Variants in AOPEP observed in about 807,000 individuals in gnomAD.
AOPEP encodes aminopeptidase O.
Under a neutral mutation model 98.1 loss-of-function variants are expected in AOPEP, and 77 were observed. That is an observed-to-expected ratio of 0.78 (90% CI 0.65 to 0.95). AOPEP has a LOEUF of 0.95. AOPEP is among the 40% of genes least tolerant of loss of function. The pLI, the probability that AOPEP is intolerant of heterozygous loss-of-function variation, is 0.00. For missense variants in AOPEP, 1,024 were observed against 1,024.7 expected (o/e 1.00, Z 0.01); for synonymous variants, 346 against 365.3 (o/e 0.95, Z 0.60).
downstream of AOPEP, among the ~76,000 whole-genome samples, chr9:95,091,461 A>G (rs2070865726): frequency 1.3e-5 from 2 of 152,298 alleles, no homozygotes; most frequent in Admixed American, 1.3e-4. Flanking sequence ...GGGCTGAGCC[A>G]CTGCAGGCTC....
At chr9:94,870,704 A>G (rs2046245945) in intron 5 of AOPEP, among the ~76,000 whole-genome samples, 1 of 152,230 alleles carries the variant, frequency 6.6e-6, no homozygotes, top group Non-Finnish European at 1.5e-5. Context: ...ACGCTGTGAC[A>G]TTTGCGGATA....
At chr9:94,784,514 CTA>C (rs1430083344) in intron 3 of AOPEP, among the ~76,000 whole-genome samples, 1 of 152,148 alleles carries the variant, frequency 6.6e-6, no homozygotes, top group Non-Finnish European at 1.5e-5. Context: ...ATCTTCAAAA[CTA>C]TTCACAGGAC....
At chr9:94,781,547 GTTT>G (rs10712686) in intron 3 of AOPEP, among the ~76,000 whole-genome samples, 11 of 142,798 alleles carry the variant, frequency 7.7e-5, no homozygotes, top group African/African-American at 2.5e-4. Flanking sequence ...TTTTTGTTTA[GTTT>G]TTTTTTTTTT....
At chr9:95,093,887 GCA>G in the AOPEP span, among the ~76,000 whole-genome samples, 12 of 152,324 alleles carry the variant, frequency 7.9e-5, no homozygotes, top group Non-Finnish European at 1.8e-4. Context: ...GTAGCCTTGG[GCA>G]CATTATTCGG....
intron 1 of AOPEP, among the ~76,000 whole-genome samples, chr9:94,733,320 C>T (rs1048167823): frequency 1.3e-5 from 2 of 152,062 alleles, no homozygotes; most frequent in African/African-American, 4.8e-5. Flanking sequence ...GTTGCTCAGG[C>T]TGATCTTGAA....
At chr9:94,825,942 G>A (rs1039533392) in intron 5 of AOPEP, among the ~76,000 whole-genome samples, 1 of 151,992 alleles carries the variant, frequency 6.6e-6, no homozygotes, top group Non-Finnish European at 1.5e-5. Context: ...CTGTTTAGCT[G>A]TTTATAACTG....
At chr9:94,810,025 A>G (rs1256903493) in intron 5 of AOPEP, 1 of 155,972 alleles carries the variant, frequency 6.4e-6, no homozygotes, top group Non-Finnish European at 1.5e-5. Flanking sequence ...TATCACCCAG[A>G]CAGCTTGCAC....
intron 10 of AOPEP, among the ~76,000 whole-genome samples, chr9:94,974,372 C>T (rs1376212070): frequency 1.3e-5 from 2 of 152,168 alleles, no homozygotes; most frequent in Non-Finnish European, 2.9e-5. Flanking sequence ...GGTCAGAGTC[C>T]TCCTATGCTC....
At chr9:94,823,575 G>A (rs1177890309) in intron 5 of AOPEP, among the ~76,000 whole-genome samples, 3 of 152,126 alleles carry the variant, frequency 2.0e-5, no homozygotes, top group Non-Finnish European at 4.4e-5. Context: ...GCCTCCTGGG[G>A]GCTTTTAGGT....
chr9:95,048,426 C>T (rs2066028738), intron 13 of AOPEP, among the ~76,000 whole-genome samples: 1 of 151,912 alleles, frequency 6.6e-6, no homozygotes, highest in Admixed American at 6.6e-5. Context: ...TGGGAGCGGC[C>T]CATCCGGGGC....
At chr9:95,138,835 A>G in the AOPEP span, among the ~76,000 whole-genome samples, 503 of 152,212 alleles carry the variant, frequency 3.3e-3, 9 homozygotes, top group East Asian at 0.043. Flanking sequence ...CACGAGTCAC[A>G]CTCCAGTCAG....
At chr9:94,931,897 C>T in intron 7 of AOPEP, 1 of 1,219,222 alleles carries the variant, frequency 8.2e-7, no homozygotes, top group Non-Finnish European at 1.1e-6. Flanking sequence ...CCTCACCTCT[C>T]TTGCTGGCAG....
chr9:95,078,444 A>G (rs980575229), intron 14 of AOPEP, among the ~76,000 whole-genome samples: 1 of 152,262 alleles, frequency 6.6e-6, no homozygotes, highest in African/African-American at 2.4e-5. Flanking sequence ...AGTCATTGCC[A>G]AAAGTGTGGT....
intron 11 of AOPEP, among the ~76,000 whole-genome samples, chr9:94,982,584 TTG>T (rs1322839891): frequency 0.034 from 5,052 of 149,230 alleles, 187 homozygotes; most frequent in East Asian, 0.095. Context: ...TTTTTTTTTT[TTG>T]GAGACAGGGT....
At chr9:94,903,623 T>TG (rs1554763961) in intron 5 of AOPEP, among the ~76,000 whole-genome samples, 1 of 136,684 alleles carries the variant, frequency 7.3e-6, no homozygotes, top group Non-Finnish European at 1.6e-5. Flanking sequence ...ACTCCATCTC[T>TG]AAAAAAAAAA....
the AOPEP span, among the ~76,000 whole-genome samples, chr9:95,113,255 G>C: frequency 6.6e-6 from 1 of 152,232 alleles, no homozygotes; most frequent in Admixed American, 6.5e-5. Context: ...CAATCACGGA[G>C]CTGGACATAG....
intron 5 of AOPEP, among the ~76,000 whole-genome samples, chr9:94,850,440 A>G (rs1401532146): frequency 6.6e-6 from 1 of 152,198 alleles, no homozygotes; most frequent in African/African-American, 2.4e-5. Flanking sequence ...CATAATGTGC[A>G]CATATGCCAG....
At chr9:94,927,185 G>C (rs112784524) in intron 6 of AOPEP, among the ~76,000 whole-genome samples, 1 of 152,080 alleles carries the variant, frequency 6.6e-6, no homozygotes, top group African/African-American at 2.4e-5. Context: ...GAGAAAGTAC[G>C]CTCTGTTGGC....
chr9:94,740,234 C>A (rs1008584615), intron 1 of AOPEP, among the ~76,000 whole-genome samples: 1 of 151,942 alleles, frequency 6.6e-6, no homozygotes, highest in Non-Finnish European at 1.5e-5. Flanking sequence ...TAGGGGTGGT[C>A]CCTGCTTGTG....
Sources: gnomAD v4.1 joint callset for allele counts (sites outside exome capture counted in the v4.1 genomes callset) on GRCh38, gnomAD v4.1.1 for gene constraint, MANE v1.5 for transcripts, NCBI Gene and HGNC (gene_info 2026-07-23, HGNC 2026-07-21) for gene names.